The following TBC1D23 variants were observed in gnomAD, a reference collection of about 807,000 sequenced individuals.
TBC1D23 encodes HCV non-structural protein 4A-transactivated protein 1.
TBC1D23 carries 55 observed loss-of-function variants against 91.4 expected under a neutral mutation model. The observed-to-expected ratio is 0.60, with a 90% CI of 0.48 to 0.75. The LOEUF is 0.75. Among genes scored for constraint, TBC1D23 ranks in the 30% least tolerant of loss-of-function variants. The pLI is 0.00. For synonymous variants in TBC1D23, 289 were observed against 281.0 expected, an observed-to-expected ratio of 1.03 and a Z score of -0.28; for missense variants, 725 against 836.1, an observed-to-expected ratio of 0.87 and a Z score of 1.64.
intron 2 of TBC1D23, among the ~76,000 whole-genome samples, chr3:100,280,615 A>G (rs1430130659): frequency 1.3e-5 from 2 of 152,240 alleles, no homozygotes; most frequent in African/African-American, 4.8e-5. Context: ...CCCTATGCAC[A>G]TATGTAACAG....
chr3:100,295,431 G>A (rs1196187318), intron 7 of TBC1D23, 83 bp downstream of exon 7: 5 of 1,145,042 alleles, frequency 4.4e-6, no homozygotes, highest in East Asian at 2.5e-5. Flanking sequence ...GTAAATTTAG[G>A]AGATTAGTCT....
chr3:100,306,920 A>G (rs1705526920), intron 13 of TBC1D23, among the ~76,000 whole-genome samples: 1 of 152,156 alleles, frequency 6.6e-6, no homozygotes, highest in African/African-American at 2.4e-5. Context: ...GATTCCAGGC[A>G]TCTCCCAGTT....
intron 3 of TBC1D23, among the ~76,000 whole-genome samples, chr3:100,283,107 C>T (rs759258325): frequency 6.6e-6 from 1 of 152,128 alleles, no homozygotes; most frequent in African/African-American, 2.4e-5. Context: ...GCACAGTGGC[C>T]CATGCCTATA....
intron 11 of TBC1D23, among the ~76,000 whole-genome samples, chr3:100,304,116 T>C (rs1268406909): frequency 6.6e-6 from 1 of 152,138 alleles, no homozygotes; most frequent in African/African-American, 2.4e-5. Flanking sequence ...GTTTATAGGT[T>C]CCTTTTTAAA....
chr3:100,267,085 T>C, intron 1 of TBC1D23: 1 of 218,380 alleles, frequency 4.6e-6, no homozygotes, highest in East Asian at 1.4e-4. Flanking sequence ...ATTTTTTTCA[T>C]CATTTTATCT....
intron 18 of TBC1D23, among the ~76,000 whole-genome samples, chr3:100,323,225 T>A (rs1705895033): frequency 6.6e-6 from 1 of 152,228 alleles, no homozygotes; most frequent in Non-Finnish European, 1.5e-5. Flanking sequence ...ACAATTCATG[T>A]GTGATTTTTG....
At chr3:100,310,866 G>A (rs958998228) in intron 14 of TBC1D23, among the ~76,000 whole-genome samples, 1 of 152,082 alleles carries the variant, frequency 6.6e-6, no homozygotes, top group Non-Finnish European at 1.5e-5. Context: ...ATCATCTGCC[G>A]AATTCAGTGA....
At chr3:100,291,613 A>G (rs1235370593) in intron 5 of TBC1D23, among the ~76,000 whole-genome samples, 1 of 151,764 alleles carries the variant, frequency 6.6e-6, no homozygotes, top group Non-Finnish European at 1.5e-5. Context: ...GGAATTTTAA[A>G]TGTTTATTAA....
At chr3:100,268,383 G>T (rs2067574021) in intron 1 of TBC1D23, among the ~76,000 whole-genome samples, 1 of 151,948 alleles carries the variant, frequency 6.6e-6, no homozygotes, top group Non-Finnish European at 1.5e-5. Context: ...GTTCCTTGAT[G>T]GTTGGAATCC....
At chr3:100,278,547 G>A (rs549642796) in intron 1 of TBC1D23, among the ~76,000 whole-genome samples, 3 of 152,144 alleles carry the variant, frequency 2.0e-5, no homozygotes, top group South Asian at 4.1e-4. Flanking sequence ...ACCACAGCCC[G>A]CTAATTTTTT....
At chr3:100,319,791 A>ATT (rs1281750187) in intron 17 of TBC1D23, among the ~76,000 whole-genome samples, 1 of 152,050 alleles carries the variant, frequency 6.6e-6, no homozygotes, top group Non-Finnish European at 1.5e-5. Flanking sequence ...ATGTATATAT[A>ATT]TATACATATG....
chr3:100,300,807 T>G (rs1239158830), intron 10 of TBC1D23, among the ~76,000 whole-genome samples: 1 of 152,152 alleles, frequency 6.6e-6, no homozygotes, highest in African/African-American at 2.4e-5. Flanking sequence ...GCTTGAATTT[T>G]TAAAAATTTT....
intron 1 of TBC1D23, among the ~76,000 whole-genome samples, chr3:100,278,223 C>T (rs1198117985): frequency 1.3e-5 from 2 of 152,158 alleles, no homozygotes; most frequent in African/African-American, 4.8e-5. Context: ...ATCCTGATTT[C>T]CTGATCCTAG....
intron 15 of TBC1D23, among the ~76,000 whole-genome samples, chr3:100,314,503 T>G (rs1286377540): frequency 6.6e-6 from 1 of 152,114 alleles, no homozygotes; most frequent in Non-Finnish European, 1.5e-5. Flanking sequence ...AGTGTGGTGG[T>G]TCACACCTGT....
chr3:100,311,891 T>C lies in TBC1D23; in HGVS notation c.1598+14T>C. On this transcript the variant is annotated intron_variant, in intron 15 of 18. Transcript: ENST00000394144. ...ATGTACAGAGCGGTAAGCCAATGAG[T>C]AGAGCATTTTTCTTGAACCATCCTT... is the stretch of plus-strand genomic sequence containing the variant. The C allele has an allele frequency of 6.6e-7, 1 of 1,524,024 alleles. No homozygotes were observed. The highest frequency in any genetic ancestry group is 8.8e-7 in the Non-Finnish European group (1 of 1,135,658). 94.4% of individuals were successfully genotyped at this position (1,524,024 alleles called of 1,614,324 possible).
intron 18 of TBC1D23, among the ~76,000 whole-genome samples, chr3:100,321,833 A>AAG (rs1705863419): frequency 1.3e-5 from 2 of 150,550 alleles, no homozygotes; most frequent in Non-Finnish European, 3.0e-5. Context: ...TGATTTGTAA[A>AAG]AAAAAAAAAA....
intron 8 of TBC1D23, among the ~76,000 whole-genome samples, chr3:100,297,341 C>T (rs1365487160): frequency 6.6e-6 from 1 of 152,098 alleles, no homozygotes; most frequent in Non-Finnish European, 1.5e-5. Flanking sequence ...TTTAAAAAGA[C>T]TTATTTCTAG....
chr3:100,300,384 G>A (rs1705401113), intron 10 of TBC1D23, among the ~76,000 whole-genome samples: 1 of 151,992 alleles, frequency 6.6e-6, no homozygotes. Flanking sequence ...TGTGAGAAAG[G>A]CCATCTTAGC....
chr3:100,302,039 A>G (rs1394717866), intron 10 of TBC1D23, 28 bp from the exon 11 acceptor site: 1 of 1,559,678 alleles, frequency 6.4e-7, no homozygotes, highest in African/African-American at 1.4e-5. Context: ...AGGCTTGTCA[A>G]GTTTTTAACT....
Sources: gnomAD v4.1 joint callset for allele counts (sites outside exome capture counted in the v4.1 genomes callset) on GRCh38, gnomAD v4.1.1 for gene constraint, MANE v1.5 for transcripts, NCBI Gene and HGNC (gene_info 2026-07-23, HGNC 2026-07-21) for gene names.